The following EVC2 variants were observed in gnomAD, a reference collection of about 807,000 sequenced individuals.
EVC2 encodes limbin.
EVC2 carries 148 observed loss-of-function variants against 149.3 expected under a neutral mutation model. The observed-to-expected ratio is 0.99, with a 90% CI of 0.87 to 1.14. The LOEUF is 1.14. EVC2 is among the 50% of genes most tolerant of loss of function. EVC2 has a pLI of 0.00. For synonymous variants in EVC2, 776 were observed against 649.9 expected (o/e 1.19, Z -2.95); for missense variants, 1,854 against 1,627.3 (o/e 1.14, Z -2.40).
Position 5,628,577 on chromosome 4 carries a change from A to G in EVC2, c.1868T>C (p.Leu623Pro), listed in dbSNP as rs1465002903. 4 of 1,614,112 alleles carry G rather than the reference A, an allele frequency of 2.5e-6. No homozygotes were observed. Among genetic ancestry groups the G allele is most frequent in the Middle Eastern group, 1.7e-4 (1 of 6,054 alleles). Residue 623 changes from leucine to proline, a missense_variant, in exon 12 of 22, where the codon CTC becomes CCC. Leu to Pro is a moderately conservative substitution (Grantham distance 98). Transcript: ENST00000344408. Reference protein sequence around the residue: ...LSTAAAQLTHLIQKHERAGYL... With the variant: ...LSTAAAQLTHPIQKHERAGYL... ...GTGGTACCTCTCGTGCTTCTGAATGAGGTGAGTCAGCTGGGCTGCAGCGGT... is the reference window on the plus strand; with the variant it reads ...GTGGTACCTCTCGTGCTTCTGAATGGGGTGAGTCAGCTGGGCTGCAGCGGT...
intron 9 of EVC2, among the ~76,000 whole-genome samples, chr4:5,643,257 G>A (rs1200358215): frequency 6.6e-6 from 1 of 152,192 alleles, no homozygotes; most frequent in Non-Finnish European, 1.5e-5. Context: ...CCACGTGAAG[G>A]ATGGCATCCC....
At chr4:5,621,782 G>A (rs1004723258) in intron 14 of EVC2, among the ~76,000 whole-genome samples, 2 of 152,308 alleles carry the variant, frequency 1.3e-5, no homozygotes, top group Non-Finnish European at 2.9e-5. Flanking sequence ...GGCTGAGGCG[G>A]GAGGATTGCC....
At chr4:5,609,942 T>C (rs993561641) in intron 16 of EVC2, among the ~76,000 whole-genome samples, 3 of 152,158 alleles carry the variant, frequency 2.0e-5, no homozygotes, top group African/African-American at 7.2e-5. Context: ...TGGTTCTTAC[T>C]TGTGGTGGAA....
intron 11 of EVC2, 41 bp downstream of exon 11, chr4:5,631,752 A>G: frequency 6.2e-7 from 1 of 1,610,988 alleles, no homozygotes; most frequent in African/African-American, 1.3e-5. Flanking sequence ...GAAACAATTC[A>G]GAAAAATTAC....
At chr4:5,551,947 G>A (rs1041177415) in intron 21 of EVC2, among the ~76,000 whole-genome samples, 3 of 152,102 alleles carry the variant, frequency 2.0e-5, no homozygotes, top group Admixed American at 1.3e-4. Flanking sequence ...ATGATTGTGA[G>A]GCCTCCCCAG....
intron 8 of EVC2, among the ~76,000 whole-genome samples, chr4:5,664,972 TGTGG>T (rs1719163107): frequency 1.4e-5 from 2 of 141,188 alleles, no homozygotes; most frequent in Non-Finnish European, 1.5e-5. Flanking sequence ...ATGGGGTGCG[TGTGG>T]GTGACAGGAT....
intron 1 of EVC2, 132 bp from the exon 2 acceptor site, chr4:5,697,779 T>A: frequency 1.3e-6 from 1 of 779,942 alleles, no homozygotes; most frequent in Non-Finnish European, 2.1e-6. Flanking sequence ...AGAGTCTTGC[T>A]CTGTCACCCA....
At chr4:5,604,565 A>C (rs73061774) in intron 16 of EVC2, among the ~76,000 whole-genome samples, 2 of 152,142 alleles carry the variant, frequency 1.3e-5, no homozygotes, top group Admixed American at 1.3e-4. Context: ...TGGGGGAGAC[A>C]AAAGAGGCTG....
In EVC2 at chr4:5,563,109, T is replaced by C. The variant is rs779697268; in HGVS notation, c.3666A>G (p.Leu1222=). The change falls in exon 22 of 22, where the codon TTA becomes TTG. Residue 1222 remains leucine (L), a synonymous_variant. Transcript: ENST00000344408. ...LWARKRKQSI[L]KKTCLPLRER... ...CTCTGAGAGGGAGACATGTCTTCTT[T>C]AATATGCTAAAGAAATAGCAAAAGA... 2 of 1,613,604 alleles carry C rather than the reference T, an allele frequency of 1.2e-6. No individual in the cohort carries two copies. The highest frequency in any genetic ancestry group is 1.7e-6 in the Non-Finnish European group (2 of 1,179,996).
Position 5,615,413 on chromosome 4 carries a change from T to G in EVC2, c.2829+9A>C, listed in dbSNP as rs370232376. On this transcript the variant is annotated intron_variant, in intron 16 of 21. Coordinates refer to ENST00000344408, the MANE Select transcript of EVC2 (RefSeq NM_147127.5). ...GAGAGAAACAGCTGGGTGAAGCAGA[T>G]GTACTGACCTTTTCCACCAGGTCTT... The G allele has an allele frequency of 8.5e-5, 138 of 1,614,062 alleles. No individual in the cohort carries two copies. The highest frequency in any genetic ancestry group is 1.5e-4 in the Admixed American group (9 of 60,006).
chr4:5,551,347 G>A (rs1721734450), intron 21 of EVC2, among the ~76,000 whole-genome samples: 1 of 152,222 alleles, frequency 6.6e-6, no homozygotes, highest in Non-Finnish European at 1.5e-5. Context: ...GCATGACCTG[G>A]ATGTGAGACA....
At chr4:5,563,177 G>A in intron 21 of EVC2, 62 bp from the exon 22 acceptor site, 1 of 1,513,612 alleles carries the variant, frequency 6.6e-7, no homozygotes, top group Non-Finnish European at 9.1e-7. Flanking sequence ...GGAGTGTTCT[G>A]AGTTCTCCAA....
intron 9 of EVC2, among the ~76,000 whole-genome samples, chr4:5,656,376 C>T (rs1718520497): frequency 6.6e-6 from 1 of 152,222 alleles, no homozygotes; most frequent in Non-Finnish European, 1.5e-5. Context: ...CTTCCTTCCT[C>T]ATCCTCTTGA....
intron 16 of EVC2, among the ~76,000 whole-genome samples, chr4:5,599,815 C>T (rs577143016): frequency 6.6e-6 from 1 of 152,098 alleles, no homozygotes; most frequent in Non-Finnish European, 1.5e-5. Flanking sequence ...GTTCAAGATA[C>T]CCAGAGCAGG....
chr4:5,541,667 G>A (rs901196932), downstream of EVC2, among the ~76,000 whole-genome samples: 4 of 152,130 alleles, frequency 2.6e-5, no homozygotes, highest in African/African-American at 9.7e-5. Flanking sequence ...TGTAAACTCG[G>A]CATCCCAGGC....
At chr4:5,584,961 A>G in intron 16 of EVC2, 111 bp from the exon 17 acceptor site, 1 of 1,183,706 alleles carries the variant, frequency 8.4e-7, no homozygotes, top group Non-Finnish European at 1.2e-6. Flanking sequence ...AGGACCACCA[A>G]AAGTTTACAA....
intron 7 of EVC2, among the ~76,000 whole-genome samples, chr4:5,673,542 A>G (rs1719797642): frequency 7.3e-6 from 1 of 137,904 alleles, no homozygotes; most frequent in Non-Finnish European, 1.6e-5. Flanking sequence ...AGAATAAAGA[A>G]AAAGAGATGG....
chr4:5,533,085 G>A, the EVC2 span, among the ~76,000 whole-genome samples: 2 of 151,244 alleles, frequency 1.3e-5, no homozygotes, highest in African/African-American at 2.4e-5. Flanking sequence ...TCATGGAGCC[G>A]TCATTGTGGT....
intron 10 of EVC2, among the ~76,000 whole-genome samples, chr4:5,635,661 G>A (rs1716846136): frequency 6.6e-6 from 1 of 152,186 alleles, no homozygotes; most frequent in Non-Finnish European, 1.5e-5. Flanking sequence ...CAGAAAGACA[G>A]GCAAATTGTG....
Sources: gnomAD v4.1 joint callset for allele counts (sites outside exome capture counted in the v4.1 genomes callset) on GRCh38, gnomAD v4.1.1 for gene constraint, MANE v1.5 for transcripts, NCBI Gene and HGNC (gene_info 2026-07-23, HGNC 2026-07-21) for gene names.